Variants in BMS1 observed in about 807,000 individuals in gnomAD.
BMS1 encodes ribosome biogenesis protein BMS1 homolog.
A neutral mutation model predicts 138.7 loss-of-function variants in BMS1; 53 were observed. The observed-to-expected ratio is 0.38, with a 90% CI of 0.31 to 0.48. BMS1 has a LOEUF of 0.48. BMS1 is among the 20% of genes least tolerant of loss of function. The pLI is 0.97. For missense variants in BMS1, 1,360 were observed against 1,565.5 expected, an observed-to-expected ratio of 0.87 and a Z score of 2.22; for synonymous variants, 504 against 539.9, an observed-to-expected ratio of 0.93 and a Z score of 0.92.
At chr10:42,829,196 C>T (rs1396139391) in intron 21 of BMS1, among the ~76,000 whole-genome samples, 1 of 151,942 alleles carries the variant, frequency 6.6e-6, no homozygotes, top group Non-Finnish European at 1.5e-5. Flanking sequence ...CCTGTAGTCC[C>T]AGCTACTCGG....
At chr10:42,795,135 T>G (rs7093395) in intron 9 of BMS1, among the ~76,000 whole-genome samples, 28,768 of 140,936 alleles carry the variant, frequency 0.2, 3,555 homozygotes, top group Non-Finnish European at 0.28. Flanking sequence ...GGTGTATATG[T>G]GCCACATTTT....
At chr10:42,800,475 T>G (rs1390776859) in intron 12 of BMS1, among the ~76,000 whole-genome samples, 1 of 152,166 alleles carries the variant, frequency 6.6e-6, no homozygotes, top group Admixed American at 6.5e-5. Flanking sequence ...AGAGAAACTT[T>G]TCCTCTTCTA....
chr10:42,805,252 T>C (rs566184545), intron 13 of BMS1, among the ~76,000 whole-genome samples: 9 of 152,294 alleles, frequency 5.9e-5, no homozygotes, highest in East Asian at 3.9e-4. Flanking sequence ...TCTATTTTTT[T>C]CCCCGTTGAA....
chr10:42,784,337 C>G (rs1342387998), intron 1 of BMS1, 25 bp from the exon 2 acceptor site: 1 of 1,499,648 alleles, frequency 6.7e-7, no homozygotes, highest in Admixed American at 2.1e-5. Flanking sequence ...CTCCCATCTC[C>G]TTACCCCAAC....
At chr10:42,809,776 A>G (rs1263466291) in intron 13 of BMS1, among the ~76,000 whole-genome samples, 3 of 151,954 alleles carry the variant, frequency 2.0e-5, no homozygotes, top group African/African-American at 4.8e-5. Context: ...CTCTTTTGAT[A>G]TAGATTACAC....
intron 5 of BMS1, 38 bp from the exon 6 acceptor site, chr10:42,791,589 A>C (rs1841507114): frequency 1.9e-6 from 3 of 1,557,508 alleles, no homozygotes. Context: ...ATGATAATTT[A>C]ATTGAAATTT....
In BMS1 at chr10:42,808,973, G is replaced by T. The variant is rs546831673; in HGVS notation, c.2329+6755G>T. ...ACTTTATTCTTGTTTTTCAAGATTG[G>T]TTAAGCTATCCCAAGGCTTGTGACT... On this transcript the variant is annotated intron_variant, in intron 13 of 22. Coordinates refer to ENST00000374518, the MANE Select transcript of BMS1 (RefSeq NM_014753.4). Among the ~76,000 whole-genome samples, 3 of 152,208 alleles carry T rather than the reference G, an allele frequency of 2.0e-5. No homozygotes were observed. The East Asian group carries it at 5.8e-4, about 29-fold the overall frequency.
rs1357090068 is a variant in BMS1 at position 42,833,440 on chromosome 10, T to TA, written c.*2345dup. 1.3e-5 allele frequency: 2 copies of TA among 152,084 alleles called. No homozygotes were observed. The highest frequency in any genetic ancestry group is 2.9e-5 in the Non-Finnish European group (2 of 68,044). 9.4% of individuals were successfully genotyped at this position (152,084 alleles called of 1,614,324 possible). A position where few individuals can be genotyped will look rare whatever the true frequency, so the allele number is the denominator to read the frequency against. On this transcript the variant is annotated 3_prime_UTR_variant, in exon 23 of 23. Coordinates refer to ENST00000374518, the MANE Select transcript of BMS1 (RefSeq NM_014753.4). ...CAATTTTGTCATTGTGTAAACATCA[T>TA]AGAGTGACACACAAACCTAGATGGT...
chr10:42,806,737 GAAAA>G (rs35466848), intron 13 of BMS1, among the ~76,000 whole-genome samples: 3 of 99,418 alleles, frequency 3.0e-5, no homozygotes, highest in Non-Finnish European at 4.2e-5. Flanking sequence ...TCCGTCTCAG[GAAAA>G]AAAAAAAAAA....
Position 42,832,796 on chromosome 10 carries a change from G to C in BMS1, c.*1700G>C, listed in dbSNP as rs1207674045. The C allele has an allele frequency of 6.6e-6, 1 of 152,190 alleles. No individual in the cohort carries two copies. Among genetic ancestry groups the C allele is most frequent in the Non-Finnish European group, 1.5e-5 (1 of 68,034 alleles). The allele number at this position is 152,190 out of a possible 1,614,324, so 9.4% of individuals were successfully genotyped here. A position where few individuals can be genotyped will look rare whatever the true frequency, so the allele number is the denominator to read the frequency against. On this transcript the variant is annotated 3_prime_UTR_variant, in exon 23 of 23. Coordinates refer to ENST00000374518, the MANE Select transcript of BMS1 (RefSeq NM_014753.4). ...GTACATTTTCCTCTGTTCCTCAAGAGCTATTATGAATTTCATCATCCATTA... is the reference window on the plus strand; with the variant it reads ...GTACATTTTCCTCTGTTCCTCAAGACCTATTATGAATTTCATCATCCATTA...
intron 13 of BMS1, among the ~76,000 whole-genome samples, chr10:42,812,827 C>T (rs1057117644): frequency 1.3e-5 from 2 of 152,172 alleles, no homozygotes; most frequent in African/African-American, 4.8e-5. Flanking sequence ...AATTCATGGG[C>T]TGGCAGACAG....
At chr10:42,798,654 T>C in intron 12 of BMS1, 29 bp downstream of exon 12, 1 of 1,608,848 alleles carries the variant, frequency 6.2e-7, no homozygotes, top group Non-Finnish European at 8.5e-7. Flanking sequence ...TTTGATTTAT[T>C]AGAGAATTAG....
chr10:42,809,251 T>C (rs1390925222), intron 13 of BMS1, among the ~76,000 whole-genome samples: 1 of 152,230 alleles, frequency 6.6e-6, no homozygotes, highest in African/African-American at 2.4e-5. Flanking sequence ...TGATTGATTT[T>C]CATTTGTTTC....
At chr10:42,817,826 T>C (rs1290079134) in intron 15 of BMS1, among the ~76,000 whole-genome samples, 1 of 152,218 alleles carries the variant, frequency 6.6e-6, no homozygotes, top group Non-Finnish European at 1.5e-5. Flanking sequence ...AGTGCAAGCA[T>C]TGGCGGCCTA....
chr10:42,787,338 T>A (rs1488686241), intron 4 of BMS1, 91 bp downstream of exon 4: 1 of 1,003,350 alleles, frequency 1.0e-6, no homozygotes, highest in Admixed American at 1.8e-5. Context: ...GAGAGTCTTA[T>A]AATTATTAAA....
chr10:42,801,196 C>T (rs1002072239), intron 12 of BMS1, among the ~76,000 whole-genome samples: 10 of 152,194 alleles, frequency 6.6e-5, no homozygotes, highest in Non-Finnish European at 1.5e-4. Flanking sequence ...TTCTCAGTGA[C>T]CTGAACCAGG....
At chr10:42,793,811 T>C (rs776048033) in intron 8 of BMS1, 41 bp from the exon 9 acceptor site, 6 of 1,585,328 alleles carry the variant, frequency 3.8e-6, no homozygotes, top group Non-Finnish European at 5.1e-6. Context: ...TCCAGGATCT[T>C]TGTGCTTTCC....
intron 13 of BMS1, among the ~76,000 whole-genome samples, chr10:42,814,957 A>G (rs1329373215): frequency 1.3e-5 from 2 of 152,078 alleles, no homozygotes; most frequent in East Asian, 1.9e-4. Flanking sequence ...TCAACTTCCT[A>G]TTGGATGAGG....
intron 18 of BMS1, among the ~76,000 whole-genome samples, chr10:42,821,370 A>G (rs1203313271): frequency 1.3e-5 from 2 of 152,044 alleles, no homozygotes; most frequent in Non-Finnish European, 2.9e-5. Flanking sequence ...TATTGGTCCC[A>G]TTTAACAGAG....
Sources: allele counts gnomAD v4.1 joint callset (sites outside exome capture counted in the v4.1 genomes callset), GRCh38; gene constraint gnomAD v4.1.1; transcripts MANE v1.5; gene names NCBI Gene and HGNC (gene_info 2026-07-23, HGNC 2026-07-21).